Variants in OSBPL3 observed in about 807,000 individuals in gnomAD.
The protein encoded by OSBPL3 is oxysterol binding protein like 3.
A neutral mutation model predicts 120.1 loss-of-function variants in OSBPL3; 65 were observed. The ratio of observed to expected loss-of-function variants is 0.54; its 90% CI spans 0.44 to 0.67. The LOEUF is 0.67. OSBPL3 is among the 30% of genes least tolerant of loss of function. The pLI, the probability that OSBPL3 is intolerant of heterozygous loss-of-function variation, is 0.00. For synonymous variants in OSBPL3, 416 were observed against 402.6 expected (o/e 1.03, Z -0.40); for missense variants, 1,004 against 1,082.1 (o/e 0.93, Z 1.01).
chr7:24,828,542 G>A (rs1483958431), intron 16 of OSBPL3, among the ~76,000 whole-genome samples: 3 of 145,862 alleles, frequency 2.1e-5, no homozygotes, highest in Non-Finnish European at 4.5e-5. Context: ...GGGAGGCAGA[G>A]GTTGCAGTAA....
At position 24,940,685 on chromosome 7, in the gene OSBPL3, G is replaced by A. The variant is rs190433415; in HGVS notation, c.-150+39201C>T. Among the ~76,000 whole-genome samples the A allele has an allele frequency of 2.0e-5, 3 of 152,210 alleles. No individual in the cohort carries two copies. The East Asian group carries it at 5.8e-4, about 29-fold the overall frequency. On this transcript the variant is annotated intron_variant, in intron 1 of 22. Transcript: ENST00000313367. The surrounding 1 kb of genome is among the most constrained non-coding windows in gnomAD (Gnocchi z 4.4). The stretch of plus-strand genomic sequence containing the variant: ...GAGATGAGGAACGGTGAATGAAGAT[G>A]TCAGGTAAGTCCTCAATATAAGCAC...
Position 24,913,934 on chromosome 7 carries a change from C to T in OSBPL3, c.-149-21313G>A, listed in dbSNP as rs1168871231. ...TATGCATTGAAACTTTCCTAAGGAG[C>T]AGATTCATTACGAAAGAGTCAAAAT... On this transcript the variant is annotated intron_variant, in intron 1 of 22. Coordinates refer to ENST00000313367, the MANE Select transcript of OSBPL3 (RefSeq NM_015550.4). The surrounding 1 kb of genome is among the most constrained non-coding windows in gnomAD (Gnocchi z 5.3). 6.6e-6 allele frequency among the ~76,000 whole-genome samples: 1 copy of T among 152,160 alleles called. No homozygotes were observed. The highest frequency in any genetic ancestry group is 1.5e-5 in the Non-Finnish European group (1 of 68,040).
intron 1 of OSBPL3, among the ~76,000 whole-genome samples, chr7:24,919,754 C>A: frequency 6.7e-6 from 1 of 150,136 alleles, no homozygotes; most frequent in Non-Finnish European, 1.5e-5. Flanking sequence ...TAATATTTGC[C>A]AATCATCTGA....
intron 2 of OSBPL3, among the ~76,000 whole-genome samples, chr7:24,875,721 A>G (rs1411760620): frequency 6.6e-6 from 1 of 151,318 alleles, no homozygotes; most frequent in Non-Finnish European, 1.5e-5. Flanking sequence ...TCTTAAAAAA[A>G]TTATATATGT....
chr7:24,844,377 A>ATT (rs59553723), intron 12 of OSBPL3, among the ~76,000 whole-genome samples: 12 of 147,220 alleles, frequency 8.2e-5, no homozygotes, highest in African/African-American at 1.2e-4. Context: ...TTTTTTTGTG[A>ATT]TTTTTTTTTT....
Position 24,821,611 on chromosome 7 carries a change from C to T in OSBPL3, c.1885-1373G>A, listed in dbSNP as rs760377862. On this transcript the variant is annotated intron_variant, in intron 16 of 22. Transcript: ENST00000313367. The surrounding 1 kb of genome is among the most constrained non-coding windows in gnomAD (Gnocchi z 5.5). ...CAGATGTGACTCATGGGATTACAGC[C>T]GTACCAGTGTGGGCCAAAGAAAGGT... Among the ~76,000 whole-genome samples the T allele has an allele frequency of 6.6e-6, 1 of 152,188 alleles. No homozygotes were observed. Among genetic ancestry groups the T allele is most frequent in the Non-Finnish European group, 1.5e-5 (1 of 68,044 alleles).
intron 13 of OSBPL3, among the ~76,000 whole-genome samples, chr7:24,841,719 A>G (rs1452513843): frequency 1.3e-5 from 2 of 148,652 alleles, no homozygotes; most frequent in African/African-American, 5.0e-5. Context: ...AAAAAAAAAA[A>G]AAGAGGCCAG....
At chr7:24,807,424 C>T (rs555335643) in intron 20 of OSBPL3, among the ~76,000 whole-genome samples, 1 of 152,094 alleles carries the variant, frequency 6.6e-6, no homozygotes, top group South Asian at 2.1e-4. Flanking sequence ...ACCTGGGAGG[C>T]GGAGGTTGCA....
intron 1 of OSBPL3, among the ~76,000 whole-genome samples, chr7:24,943,010 A>T (rs771328151): frequency 3.2e-4 from 49 of 152,250 alleles, no homozygotes; most frequent in Non-Finnish European, 7.3e-5. Flanking sequence ...TGCTATGGCA[A>T]TGCCTACCTG....
rs541210090 is a variant in OSBPL3, at chr7:24,899,234, G to C, written c.-149-6613C>G. On this transcript the variant is annotated intron_variant, in intron 1 of 22. Transcript: ENST00000313367. The surrounding 1 kb of genome is among the most constrained non-coding windows in gnomAD (Gnocchi z 4.0). ...GATTTAAAGACAAGCTCTAGGTGTGGTCTGGACAGAGCAGAAGAGAAGGCA... is the reference window on the plus strand; with the variant it reads ...GATTTAAAGACAAGCTCTAGGTGTGCTCTGGACAGAGCAGAAGAGAAGGCA... Among the ~76,000 whole-genome samples the C allele has an allele frequency of 9.9e-5, 15 of 152,258 alleles. No homozygotes were observed. The highest frequency in any genetic ancestry group is 4.6e-4 in the Admixed American group (7 of 15,294).
Position 24,940,877 on chromosome 7 carries a change from T to G in OSBPL3, c.-150+39009A>C, listed in dbSNP as rs1023843933. ...CTCTGTCGCCCAGGCTGGAGTGCAC[T>G]GGCGCGATCTCGGCTCACTGCAAGC... On this transcript the variant is annotated intron_variant, in intron 1 of 22. Coordinates refer to ENST00000313367, the MANE Select transcript of OSBPL3 (RefSeq NM_015550.4). This position sits in a 1 kb window ranked among gnomAD's most constrained non-coding sequence, Gnocchi z 4.4. 1.3e-5 allele frequency among the ~76,000 whole-genome samples: 2 copies of G among 151,234 alleles called. No individual in the cohort carries two copies. Among genetic ancestry groups the G allele is most frequent in the Non-Finnish European group, 1.5e-5 (1 of 67,904 alleles).
At chr7:24,928,187 C>A (rs924652449) in intron 1 of OSBPL3, among the ~76,000 whole-genome samples, 1 of 132,194 alleles carries the variant, frequency 7.6e-6, no homozygotes, top group Non-Finnish European at 1.6e-5. Context: ...ATTAAACCTT[C>A]CTTTTTGTTT....
chr7:24,922,337 C>T lies in OSBPL3; in HGVS notation c.-149-29716G>A, dbSNP rs1810493113. On this transcript the variant is annotated intron_variant, in intron 1 of 22. Coordinates refer to ENST00000313367, the MANE Select transcript of OSBPL3 (RefSeq NM_015550.4). The surrounding 1 kb of genome is among the most constrained non-coding windows in gnomAD (Gnocchi z 4.3). The stretch of plus-strand genomic sequence containing the variant: ...TAGAAAGGTGGCTTGTCCTTACCAG[C>T]AATGTGACCTTGAGCAAATCTGCTT... 6.6e-6 allele frequency among the ~76,000 whole-genome samples: 1 copy of T among 152,138 alleles called. No individual in the cohort carries two copies. Among genetic ancestry groups the T allele is most frequent in the Non-Finnish European group, 1.5e-5 (1 of 68,024 alleles).
chr7:24,799,352 C>CGGGGT lies in OSBPL3; in HGVS notation c.*826_*830dup, dbSNP rs1213347797. 3 of 152,106 alleles carry CGGGGT rather than the reference C, an allele frequency of 2.0e-5. No homozygotes were observed. Among genetic ancestry groups the CGGGGT allele is most frequent in the Non-Finnish European group, 4.4e-5 (3 of 68,000 alleles). 9.4% of individuals were successfully genotyped at this position (152,106 alleles called of 1,614,324 possible). A position where few individuals can be genotyped will look rare whatever the true frequency, so the allele number is the denominator to read the frequency against. ...GGTGATCAAACGGAGGGACAAAAAA[C>CGGGGT]GGGGTGGGGTGGGAAGCAGGAAACA... On this transcript the variant is annotated 3_prime_UTR_variant, in exon 23 of 23. Coordinates refer to ENST00000313367, the MANE Select transcript of OSBPL3 (RefSeq NM_015550.4). This position sits in a 1 kb window ranked among gnomAD's most constrained non-coding sequence, Gnocchi z 5.3.
At chr7:24,970,797 G>A (rs970885807) in intron 1 of OSBPL3, among the ~76,000 whole-genome samples, 1 of 152,122 alleles carries the variant, frequency 6.6e-6, no homozygotes, top group Non-Finnish European at 1.5e-5. Flanking sequence ...CACCTGAAGG[G>A]TTAAAACCAG....
intron 1 of OSBPL3, among the ~76,000 whole-genome samples, chr7:24,925,464 C>T (rs1475610668): frequency 6.6e-6 from 1 of 152,204 alleles, no homozygotes. Flanking sequence ...CTTGCTGGTT[C>T]TTATTTAATA....
intron 1 of OSBPL3, among the ~76,000 whole-genome samples, chr7:24,951,576 T>C (rs922052943): frequency 1.3e-5 from 2 of 152,208 alleles, no homozygotes; most frequent in African/African-American, 4.8e-5. Context: ...AACTTAATTA[T>C]TGTGCATATA....
intron 1 of OSBPL3, among the ~76,000 whole-genome samples, chr7:24,895,258 A>G (rs976204184): frequency 6.6e-6 from 1 of 152,104 alleles, no homozygotes; most frequent in African/African-American, 2.4e-5. Flanking sequence ...GTCCCATAAG[A>G]CTATAATTCT....
chr7:24,903,942 G>A (rs1807456350), intron 1 of OSBPL3, among the ~76,000 whole-genome samples: 1 of 151,772 alleles, frequency 6.6e-6, no homozygotes, highest in South Asian at 2.1e-4. Context: ...GAGTGCAGTG[G>A]TGAGATCTCG....
Sources: allele counts gnomAD v4.1 joint callset (sites outside exome capture counted in the v4.1 genomes callset), GRCh38; gene constraint gnomAD v4.1.1; non-coding constraint Gnocchi (gnomAD v3.1); transcripts MANE v1.5; gene names NCBI Gene and HGNC (gene_info 2026-07-23, HGNC 2026-07-21).